Variants in GRK2 observed in about 807,000 individuals in gnomAD.
The protein encoded by GRK2 is adrenergic beta receptor kinase 1.
In GRK2, 23 loss-of-function variants were observed where a neutral mutation model predicts 97.8. That is an observed-to-expected ratio of 0.24 (90% CI 0.17 to 0.33). The LOEUF is 0.33. Ranked by LOEUF, GRK2 falls within the 10% of genes least tolerant of loss-of-function variation. The probability of loss-of-function intolerance (pLI) is 1.00; values close to 1 mark genes in which losing one functional copy is unlikely to be tolerated. For synonymous variants in GRK2, 425 were observed against 381.7 expected (o/e 1.11, Z -1.32); for missense variants, 633 against 956.9 (o/e 0.66, Z 4.47).
At chr11:67,274,451 T>A (rs1452845131) in intron 1 of GRK2, among the ~76,000 whole-genome samples, 5 of 146,516 alleles carry the variant, frequency 3.4e-5, no homozygotes, top group Non-Finnish European at 6.0e-5. Context: ...TTGCTTTGCC[T>A]GTCATCTGCA....
chr11:67,285,021 C>A, intron 19 of GRK2, 38 bp downstream of exon 19: 1 of 1,612,092 alleles, frequency 6.2e-7, no homozygotes. Flanking sequence ...GCCGGGCTTC[C>A]GGGTGGCTGG....
chr11:67,271,523 T>C (rs546484307), intron 1 of GRK2, among the ~76,000 whole-genome samples: 1 of 152,258 alleles, frequency 6.6e-6, no homozygotes, highest in Non-Finnish European at 1.5e-5. Flanking sequence ...TGGTGCATTC[T>C]AGCGTAATGC....
chr11:67,277,176 G>A lies in GRK2; in HGVS notation c.114-96G>A, dbSNP rs1283567101. On this transcript the variant is annotated intron_variant, in intron 1 of 20. Transcript: ENST00000308595. ...GGCTGGCCTCCTTCCTGGAGGGAGT[G>A]GCGACACCACCACAGTGCCCTCAGC... 1.2e-5 allele frequency: 14 copies of A among 1,188,316 alleles called. No individual in the cohort carries two copies. In the South Asian group the frequency reaches 1.6e-4, roughly 14 times the overall value. 73.6% of individuals were successfully genotyped at this position (1,188,316 alleles called of 1,614,324 possible). A position where few individuals can be genotyped will look rare whatever the true frequency, so the allele number is the denominator to read the frequency against.
chr11:67,285,238 C>CA, intron 20 of GRK2, 48 bp from the exon 21 acceptor site: 1 of 1,609,324 alleles, frequency 6.2e-7, no homozygotes, highest in Non-Finnish European at 8.5e-7. Flanking sequence ...CCAGGCCAGG[C>CA]AGGCTGGGGA....
Position 67,283,966 on chromosome 11 carries a change from G to A in GRK2, c.1491+17G>A. On this transcript the variant is annotated intron_variant, in intron 17 of 20. Transcript: ENST00000308595. ...GGAATCAAGGTACTGGGCCTTGCCT[G>A]GCCTCTTGTACCTAGGCTGTGATCC... The A allele has an allele frequency of 6.3e-7, 1 of 1,587,846 alleles. No individual in the cohort carries two copies. The highest frequency in any genetic ancestry group is 8.6e-7 in the Non-Finnish European group (1 of 1,163,356).
Position 67,266,657 on chromosome 11 carries a change from G to A in GRK2, c.-43G>A, listed in dbSNP as rs182084609. The stretch of plus-strand genomic sequence containing the variant: ...CGAGCGCCGAGCGAGCAGGAGCGGC[G>A]GCGGCGGCGGCGGCGGCGGGAGGAG... On this transcript the variant is annotated 5_prime_UTR_variant, in exon 1 of 21. Transcript: ENST00000308595. The A allele has an allele frequency of 0.023, 20,636 of 905,600 alleles. 244 individuals are homozygous for A. The highest frequency in any genetic ancestry group is 0.026 in the Non-Finnish European group (18,746 of 734,590). The allele number at this position is 905,600 out of a possible 1,614,324, so 56.1% of individuals were successfully genotyped here.
In GRK2 at chr11:67,283,385, G is replaced by A. The variant is rs551143899; in HGVS notation, c.1328+157G>A. 58 of 690,496 alleles carry A rather than the reference G, an allele frequency of 8.4e-5. No homozygotes were observed. In the Middle Eastern group the frequency reaches 1.6e-3, roughly 19 times the overall value. 42.8% of individuals were successfully genotyped at this position (690,496 alleles called of 1,614,324 possible). Reference sequence around the variant, plus strand: ...CCCTGTCCAATGTTCTCAGAGTGGAGGGGCTGCCCTGGGAGTTGGAGCTGC... The same window carrying A: ...CCCTGTCCAATGTTCTCAGAGTGGAAGGGCTGCCCTGGGAGTTGGAGCTGC... On this transcript the variant is annotated intron_variant, in intron 15 of 20. Coordinates refer to ENST00000308595, the MANE Select transcript of GRK2 (RefSeq NM_001619.5).
chr11:67,276,077 G>T lies in GRK2; in HGVS notation c.114-1195G>T, dbSNP rs1022688582. On this transcript the variant is annotated intron_variant, in intron 1 of 20. Transcript: ENST00000308595. The surrounding 1 kb of genome is among the most constrained non-coding windows in gnomAD (Gnocchi z 4.2). ...AGGCAGGGGCCATGGCAAGCACAGA[G>T]AACCTGGACTTGCGGATCCAAATCT... Among the ~76,000 whole-genome samples, 2 of 152,238 alleles carry T rather than the reference G, an allele frequency of 1.3e-5. No individual in the cohort carries two copies. The highest frequency in any genetic ancestry group is 4.8e-5 in the African/African-American group (2 of 41,454).
intron 2 of GRK2, among the ~76,000 whole-genome samples, chr11:67,277,656 CT>C (rs1860061585): frequency 6.6e-6 from 1 of 152,244 alleles, no homozygotes. Context: ...GCCGCAGCTG[CT>C]CTGGGCCGTT....
chr11:67,283,607 G>A, intron 15 of GRK2, 100 bp from the exon 16 acceptor site: 3 of 1,175,822 alleles, frequency 2.6e-6, no homozygotes. Flanking sequence ...CAGGCTTAAG[G>A]AACTTGCCCA....
intron 1 of GRK2, among the ~76,000 whole-genome samples, chr11:67,274,766 C>T (rs375908847): frequency 1.5e-4 from 23 of 152,196 alleles, no homozygotes; most frequent in African/African-American, 4.6e-4. Flanking sequence ...CTCCGTCCAC[C>T]GTTTCCTGTG....
chr11:67,279,928 AG>A, intron 6 of GRK2, 28 bp downstream of exon 6: 1 of 1,602,938 alleles, frequency 6.2e-7, no homozygotes, highest in Non-Finnish European at 8.5e-7. Context: ...TGGGAGAGGA[AG>A]GGGGAGGGAG....
chr11:67,279,380 C>T (rs1213446223), intron 3 of GRK2, 38 bp from the exon 4 acceptor site: 7 of 1,610,954 alleles, frequency 4.3e-6, no homozygotes, highest in Admixed American at 1.7e-5. Context: ...CCATTCCCTG[C>T]TGGGCTCTAG....
At chr11:67,273,523 C>T (rs1040387332) in intron 1 of GRK2, among the ~76,000 whole-genome samples, 58 of 152,190 alleles carry the variant, frequency 3.8e-4, no homozygotes, top group Non-Finnish European at 5.9e-5. Flanking sequence ...AGGAGCTGCC[C>T]CCAGTGGCAA....
rs889086979 is a variant in GRK2, at chr11:67,285,915, G to A, written c.*465G>A. ...CACTGTCCTGCTCCACAGTGTTGGC[G>A]AGAGGAGGGGCCCGTTGTCTCCCTG... On this transcript the variant is annotated 3_prime_UTR_variant, in exon 21 of 21. Transcript: ENST00000308595. The A allele has an allele frequency of 8.5e-5, 19 of 224,512 alleles. No homozygotes were observed. Among genetic ancestry groups the A allele is most frequent in the Non-Finnish European group, 1.4e-4 (16 of 113,554 alleles). 13.9% of individuals were successfully genotyped at this position (224,512 alleles called of 1,614,324 possible). A position where few individuals can be genotyped will look rare whatever the true frequency, so the allele number is the denominator to read the frequency against.
chr11:67,267,163 G>C (rs1237927633), intron 1 of GRK2, among the ~76,000 whole-genome samples: 2 of 152,158 alleles, frequency 1.3e-5, no homozygotes, highest in African/African-American at 4.8e-5. Flanking sequence ...TCCCACGGGG[G>C]CCCGGCGCGC....
Position 67,281,150 on chromosome 11 carries a change from G to T in GRK2, c.613G>T (p.Val205Phe), listed in dbSNP as rs1256258635. 6.2e-7 allele frequency: 1 copy of T among 1,613,414 alleles called. No homozygotes were observed. Among genetic ancestry groups the T allele is most frequent in the Non-Finnish European group, 8.5e-7 (1 of 1,179,792 alleles). Residue 205 changes from valine (V) to phenylalanine (F), a missense_variant, in exon 8 of 21, where the codon GTC becomes TTC. By Grantham distance (50) the Val-to-Phe change is conservative. This residue lies in a region of GRK2 where 192 missense variants were observed against 362.3 expected (regional missense o/e 0.53). Transcript: ENST00000308595. This position sits in a 1 kb window ranked among gnomAD's most constrained non-coding sequence, Gnocchi z 5.7. ...RIIGRGGFGE[V>F]YGCRKADTGK... The stretch of plus-strand genomic sequence containing the variant: ...CATTGGGCGCGGGGGCTTTGGCGAG[G>T]TCTATGGGTGCCGGAAGGCTGACAC...
In GRK2 at chr11:67,282,522, G is replaced by A; in HGVS notation, c.1140G>A (p.Met380Ile). Residue 380 changes from methionine to isoleucine, a missense_variant, in exon 13 of 21, where the codon ATG becomes ATA. Met to Ile is a conservative substitution (Grantham distance 10). Transcript: ENST00000308595. This position sits in a 1 kb window ranked among gnomAD's most constrained non-coding sequence, Gnocchi z 6.9. ...CCGACTGGTTCTCTCTGGGGTGCAT[G>A]CTCTTCAAGTTGCTGCGGGGGTGAG... ...SSADWFSLGC[M>I]LFKLLRGHSP... 1.9e-6 allele frequency: 3 copies of A among 1,613,716 alleles called. No individual in the cohort carries two copies. Among genetic ancestry groups the A allele is most frequent in the Non-Finnish European group, 2.5e-6 (3 of 1,179,992 alleles).
intron 1 of GRK2, among the ~76,000 whole-genome samples, chr11:67,272,549 T>C (rs1297151773): frequency 6.6e-6 from 1 of 152,136 alleles, no homozygotes; most frequent in African/African-American, 2.4e-5. Context: ...CCGGAAGTGC[T>C]CCCTCAGCAC....
Sources: gnomAD v4.1 joint callset for allele counts (sites outside exome capture counted in the v4.1 genomes callset) on GRCh38, gnomAD v4.1.1 for gene constraint, gnomAD v4.1.1 regional missense constraint, Gnocchi (gnomAD v3.1) non-coding constraint, MANE v1.5 for transcripts, NCBI Gene and HGNC (gene_info 2026-07-23, HGNC 2026-07-21) for gene names.